Variants in SEMA5A observed in about 807,000 individuals in gnomAD.
SEMA5A encodes the protein semaphorin-5A.
Under a neutral mutation model 135.5 loss-of-function variants are expected in SEMA5A, and 55 were observed. That is an observed-to-expected ratio of 0.41 (90% CI 0.33 to 0.51). The LOEUF is 0.51. SEMA5A is among the 20% of genes least tolerant of loss of function. The pLI, the probability that SEMA5A is intolerant of heterozygous loss-of-function variation, is 0.37. For synonymous variants in SEMA5A, 580 were observed against 546.5 expected, an observed-to-expected ratio of 1.06 and a Z score of -0.85; for missense variants, 1,290 against 1,419.9, an observed-to-expected ratio of 0.91 and a Z score of 1.47.
At chr5:9,438,956 C>A (rs765617614) in intron 1 of SEMA5A, among the ~76,000 whole-genome samples, 1 of 152,214 alleles carries the variant, frequency 6.6e-6, no homozygotes, top group Non-Finnish European at 1.5e-5. Flanking sequence ...GGCCAGGGAA[C>A]AGGTCAAGGT....
intron 10 of SEMA5A, 35 bp from the exon 11 acceptor site, chr5:9,190,506 G>A: frequency 1.2e-6 from 2 of 1,603,824 alleles, no homozygotes; most frequent in Non-Finnish European, 1.7e-6. Flanking sequence ...ACCAGAGCCG[G>A]CAGCCTGGAC....
chr5:9,288,637 C>A (rs1477210330), intron 5 of SEMA5A, among the ~76,000 whole-genome samples: 1 of 152,176 alleles, frequency 6.6e-6, no homozygotes, highest in Non-Finnish European at 1.5e-5. Flanking sequence ...GTTTATATTT[C>A]TAGCCAAGAA....
chr5:9,383,572 G>A (rs1414722397), intron 2 of SEMA5A, among the ~76,000 whole-genome samples: 1 of 152,176 alleles, frequency 6.6e-6, no homozygotes, highest in Non-Finnish European at 1.5e-5. Context: ...CTGTCACAGA[G>A]CAGCAAGCCA....
At position 9,052,140 on chromosome 5, in the gene SEMA5A, A is replaced by G. The variant is rs543677955; in HGVS notation, c.2690-112T>C. The G allele has an allele frequency of 1.7e-5, 20 of 1,167,954 alleles. No individual in the cohort carries two copies. The African/African-American group carries it at 2.8e-4, about 16-fold the overall frequency. The allele number at this position is 1,167,954 out of a possible 1,614,324, so 72.3% of individuals were successfully genotyped here. A position where few individuals can be genotyped will look rare whatever the true frequency, so the allele number is the denominator to read the frequency against. On this transcript the variant is annotated intron_variant, in intron 19 of 22. Transcript: ENST00000382496. ...TCTGGATTCCAGGATTCCATAGCAT[A>G]TTTTTAATGGTTCTGTGCATCAGTA...
intron 8 of SEMA5A, among the ~76,000 whole-genome samples, chr5:9,216,394 T>C (rs930885398): frequency 6.6e-6 from 1 of 152,208 alleles, no homozygotes; most frequent in Non-Finnish European, 1.5e-5. Flanking sequence ...TGAGGATTGT[T>C]TTATGTCTAA....
intron 9 of SEMA5A, 103 bp downstream of exon 9, chr5:9,201,852 A>C: frequency 8.7e-7 from 1 of 1,149,128 alleles, no homozygotes; most frequent in Non-Finnish European, 1.2e-6. Context: ...AAATTAAGAA[A>C]GATTTTCTCT....
At position 9,545,203 on chromosome 5, in the gene SEMA5A, G is replaced by A. The variant is rs1738318121; in HGVS notation, c.-175+381C>T. Among the ~76,000 whole-genome samples, 1 of 152,090 alleles carries A rather than the reference G, an allele frequency of 6.6e-6. No individual in the cohort carries two copies. Among genetic ancestry groups the A allele is most frequent in the Non-Finnish European group, 1.5e-5 (1 of 67,994 alleles). ...CCTCCGTGTCCCCTGCCCCCGGCTCGCGGCAGTGCGAGCCTGGAGGCGCGC... is the reference window on the plus strand; with the variant it reads ...CCTCCGTGTCCCCTGCCCCCGGCTCACGGCAGTGCGAGCCTGGAGGCGCGC... On this transcript the variant is annotated intron_variant, in intron 1 of 22. Transcript: ENST00000382496. This position sits in a 1 kb window ranked among gnomAD's most constrained non-coding sequence, Gnocchi z 4.5.
intron 16 of SEMA5A, among the ~76,000 whole-genome samples, chr5:9,103,078 G>A (rs142752898): frequency 6.1e-4 from 93 of 152,212 alleles, no homozygotes; most frequent in African/African-American, 2.0e-3. Context: ...GTTCTTGTTC[G>A]TATACTTGCT....
chr5:9,462,436 A>T (rs1337579743), intron 1 of SEMA5A, among the ~76,000 whole-genome samples: 3 of 152,188 alleles, frequency 2.0e-5, no homozygotes, highest in African/African-American at 7.2e-5. Context: ...ATAGCTAAAA[A>T]CAGAATTACC....
chr5:9,246,114 C>G (rs182239445), intron 5 of SEMA5A, among the ~76,000 whole-genome samples: 4 of 152,094 alleles, frequency 2.6e-5, no homozygotes, highest in Non-Finnish European at 5.9e-5. Flanking sequence ...AGGTAAGGCT[C>G]ATAAGAGCCT....
chr5:9,042,373 A>G lies in SEMA5A; in HGVS notation c.*524T>C, dbSNP rs968256686. 6.5e-6 allele frequency: 1 copy of G among 154,466 alleles called. No individual in the cohort carries two copies. Among genetic ancestry groups the G allele is most frequent in the Non-Finnish European group, 1.4e-5 (1 of 69,760 alleles). The allele number at this position is 154,466 out of a possible 1,614,324, so 9.6% of individuals were successfully genotyped here. On this transcript the variant is annotated 3_prime_UTR_variant, in exon 23 of 23. Coordinates refer to ENST00000382496, the MANE Select transcript of SEMA5A (RefSeq NM_003966.3). ...AGATGAAAACACTCAAGCTGCTTCCAAGAATCCCACAGCTTTATCCAGATT... is the reference window on the plus strand; with the variant it reads ...AGATGAAAACACTCAAGCTGCTTCCGAGAATCCCACAGCTTTATCCAGATT...
intron 5 of SEMA5A, among the ~76,000 whole-genome samples, chr5:9,303,404 A>T (rs1561126249): frequency 6.6e-6 from 1 of 152,138 alleles, no homozygotes; most frequent in African/African-American, 2.4e-5. Flanking sequence ...ATATATTTTA[A>T]AAAGAACTTG....
intron 12 of SEMA5A, among the ~76,000 whole-genome samples, chr5:9,145,167 C>A (rs1742264879): frequency 6.6e-6 from 1 of 152,130 alleles, no homozygotes. Context: ...AATGCCAGCT[C>A]AGAAGGACCT....
intron 11 of SEMA5A, among the ~76,000 whole-genome samples, chr5:9,174,686 T>C (rs1020461103): frequency 6.6e-6 from 1 of 152,208 alleles, no homozygotes; most frequent in Admixed American, 6.5e-5. Flanking sequence ...TGACAGGATG[T>C]GCTTAGATCC....
Position 9,183,171 on chromosome 5 carries a change from G to A in SEMA5A, c.1273+7096C>T, listed in dbSNP as rs368279311. ...TAGGGAGCAGGAAAGAGCAGGAAGTGGTGCTATATGATTTGTTACCATGGG... is the reference window on the plus strand; with the variant it reads ...TAGGGAGCAGGAAAGAGCAGGAAGTAGTGCTATATGATTTGTTACCATGGG... On this transcript the variant is annotated intron_variant, in intron 11 of 22. Coordinates refer to ENST00000382496, the MANE Select transcript of SEMA5A (RefSeq NM_003966.3). Among the ~76,000 whole-genome samples, 3 of 152,114 alleles carry A rather than the reference G, an allele frequency of 2.0e-5. No homozygotes were observed. In the South Asian group the frequency reaches 6.2e-4, roughly 32 times the overall value.
At chr5:9,073,728 G>A (rs1216378928) in intron 16 of SEMA5A, among the ~76,000 whole-genome samples, 1 of 151,932 alleles carries the variant, frequency 6.6e-6, no homozygotes, top group East Asian at 1.9e-4. Context: ...CCAAAAAAAA[G>A]CTACTAGAAG....
chr5:9,541,335 C>G (rs887106771), intron 1 of SEMA5A, among the ~76,000 whole-genome samples: 1 of 152,062 alleles, frequency 6.6e-6, no homozygotes, highest in African/African-American at 2.4e-5. Context: ...TAACATTTTT[C>G]CAGTGTATAC....
chr5:9,511,246 T>C (rs952181446), intron 1 of SEMA5A: 1 of 152,170 alleles, frequency 6.6e-6, no homozygotes, highest in Non-Finnish European at 1.5e-5. Flanking sequence ...GCACATCACA[T>C]TCAAGAGATT....
At chr5:9,242,150 A>G (rs942858979) in intron 5 of SEMA5A, among the ~76,000 whole-genome samples, 53 of 152,340 alleles carry the variant, frequency 3.5e-4, no homozygotes, top group Middle Eastern at 3.4e-3. Context: ...ATGCAAGACT[A>G]TATCTTTGTT....
Sources: allele counts gnomAD v4.1 joint callset (sites outside exome capture counted in the v4.1 genomes callset), GRCh38; gene constraint gnomAD v4.1.1; non-coding constraint Gnocchi (gnomAD v3.1); transcripts MANE v1.5; gene names NCBI Gene and HGNC (gene_info 2026-07-23, HGNC 2026-07-21).